Variants in RBFOX1 observed in about 807,000 individuals in gnomAD.
The protein encoded by RBFOX1 is RNA binding protein fox-1 homolog 1.
RBFOX1 carries 8 observed loss-of-function variants against 57.7 expected under a neutral mutation model. The ratio of observed to expected loss-of-function variants is 0.14; its 90% CI spans 0.08 to 0.25. The LOEUF is 0.25. Ranked by LOEUF, RBFOX1 falls within the 10% of genes least tolerant of loss-of-function variation. The probability of loss-of-function intolerance (pLI) is 1.00; values close to 1 mark genes in which losing one functional copy is unlikely to be tolerated. For synonymous variants in RBFOX1, 326 were observed against 222.4 expected (o/e 1.47, Z -4.15); for missense variants, 611 against 548.5 (o/e 1.11, Z -1.14).
At chr16:5,545,444 A>G (rs896687332) in intron 2 of RBFOX1, among the ~76,000 whole-genome samples, 1 of 152,226 alleles carries the variant, frequency 6.6e-6, no homozygotes, top group African/African-American at 2.4e-5. Context: ...TATCATGAAT[A>G]TAGATGCAAA....
intron 3 of RBFOX1, among the ~76,000 whole-genome samples, chr16:6,924,450 G>A (rs1012739326): frequency 3.3e-5 from 5 of 151,854 alleles, no homozygotes; most frequent in African/African-American, 4.8e-5. Flanking sequence ...ATCACTAAGG[G>A]GATGGCAGGC....
intron 4 of RBFOX1, among the ~76,000 whole-genome samples, chr16:7,149,678 C>G (rs974356296): frequency 2.0e-5 from 3 of 151,886 alleles, no homozygotes; most frequent in African/African-American, 7.2e-5. Context: ...TCCCAAAGTG[C>G]TAGGATTACA....
chr16:6,521,562 C>G (rs1259060554), intron 2 of RBFOX1, among the ~76,000 whole-genome samples: 1 of 147,658 alleles, frequency 6.8e-6, no homozygotes, highest in African/African-American at 2.6e-5. Flanking sequence ...CCCTCGCTCT[C>G]TTTGTCTTTC....
At chr16:5,501,051 C>T (rs993107534) in intron 2 of RBFOX1, among the ~76,000 whole-genome samples, 3 of 152,120 alleles carry the variant, frequency 2.0e-5, no homozygotes, top group East Asian at 3.9e-4. Flanking sequence ...CGCGGTGTTT[C>T]ACCCCTGTAA....
At chr16:5,928,136 C>G (rs62013902) in intron 4 of RBFOX1, among the ~76,000 whole-genome samples, 24,517 of 151,984 alleles carry the variant, frequency 0.16, 2,590 homozygotes, top group Non-Finnish European at 0.23. Flanking sequence ...CTCTGTCACC[C>G]AGGCTGGAGA....
chr16:7,424,253 A>AAT lies in RBFOX1; in HGVS notation c.28-93882_28-93881dup, dbSNP rs372662445. Among the ~76,000 whole-genome samples, 36 of 149,920 alleles carry AAT rather than the reference A, an allele frequency of 2.4e-4. 1 individual carries two copies. Among genetic ancestry groups the AAT allele is most frequent in the African/African-American group, 3.9e-4 (16 of 41,158 alleles). On this transcript the variant is annotated intron_variant, in intron 4 of 15. Transcript: ENST00000550418. ...TTTGTGTAATTTACACTTGAATATG[A>AAT]ATATATATATATACATATATATGGG...
chr16:7,606,970 A>G (rs1395577), intron 9 of RBFOX1, among the ~76,000 whole-genome samples: 141,995 of 152,248 alleles, frequency 0.93, 66,892 homozygotes, highest in Non-Finnish European at 0.96. Flanking sequence ...AGAAAAAATT[A>G]AAATTATTAT....
chr16:5,671,292 A>G (rs1402593099), intron 3 of RBFOX1, among the ~76,000 whole-genome samples: 1 of 152,238 alleles, frequency 6.6e-6, no homozygotes, highest in Non-Finnish European at 1.5e-5. Flanking sequence ...TCTAAGAGCA[A>G]GGAGGCAGGG....
intron 3 of RBFOX1, among the ~76,000 whole-genome samples, chr16:6,792,405 C>T (rs958062856): frequency 1.3e-5 from 2 of 152,118 alleles, no homozygotes; most frequent in African/African-American, 4.8e-5. Flanking sequence ...TTTGATTTAG[C>T]AAATAGGTAG....
At chr16:5,764,633 C>T (rs2053712970) in intron 3 of RBFOX1, among the ~76,000 whole-genome samples, 1 of 152,042 alleles carries the variant, frequency 6.6e-6, no homozygotes, top group African/African-American at 2.4e-5. Context: ...GTAAGGAACC[C>T]CGAGGGAAGA....
At chr16:6,356,396 C>T (rs904342748) in intron 2 of RBFOX1, among the ~76,000 whole-genome samples, 13 of 152,310 alleles carry the variant, frequency 8.5e-5, no homozygotes, top group African/African-American at 2.9e-4. Context: ...TATGATTGTA[C>T]CACAGCCCTC....
intron 2 of RBFOX1, among the ~76,000 whole-genome samples, chr16:6,528,988 C>A (rs1419712370): frequency 1.3e-5 from 2 of 152,146 alleles, no homozygotes; most frequent in Non-Finnish European, 2.9e-5. Flanking sequence ...ACATGAAGAA[C>A]AATTAATCCT....
At chr16:6,880,181 TGTGTACTCC>T (rs1294330540) in intron 3 of RBFOX1, among the ~76,000 whole-genome samples, 1 of 151,508 alleles carries the variant, frequency 6.6e-6, no homozygotes. Flanking sequence ...CACCTCAATC[TGTGTACTCC>T]TTTAAGGTAT....
At chr16:7,265,439 A>G (rs1299070729) in intron 4 of RBFOX1, among the ~76,000 whole-genome samples, 10 of 150,966 alleles carry the variant, frequency 6.6e-5, no homozygotes, top group African/African-American at 1.9e-4. Flanking sequence ...TTATTCATTT[A>G]TTTATTTGTT....
intron 4 of RBFOX1, among the ~76,000 whole-genome samples, chr16:7,456,022 G>T (rs545692127): frequency 6.6e-6 from 1 of 152,134 alleles, no homozygotes; most frequent in South Asian, 2.1e-4. Context: ...TCCCTGCATG[G>T]TCATGCAGGG....
chr16:7,233,261 T>A (rs1319764838), intron 4 of RBFOX1, among the ~76,000 whole-genome samples: 2 of 152,010 alleles, frequency 1.3e-5, no homozygotes, highest in Non-Finnish European at 2.9e-5. Flanking sequence ...TTTGACTGTT[T>A]CTAAGCTGGC....
At chr16:6,837,042 C>T (rs988308206) in intron 3 of RBFOX1, among the ~76,000 whole-genome samples, 12 of 152,094 alleles carry the variant, frequency 7.9e-5, no homozygotes, top group African/African-American at 4.8e-5. Flanking sequence ...TTACAGTAAG[C>T]CCAGGACAGG....
intron 1 of RBFOX1, among the ~76,000 whole-genome samples, chr16:6,031,108 G>A (rs1195434717): frequency 6.6e-6 from 1 of 152,178 alleles, no homozygotes; most frequent in South Asian, 2.1e-4. Flanking sequence ...ACCCTGTTCG[G>A]TAGGAACATC....
chr16:7,618,519 C>T (rs895381309), intron 10 of RBFOX1, among the ~76,000 whole-genome samples: 5 of 151,852 alleles, frequency 3.3e-5, no homozygotes, highest in African/African-American at 7.3e-5. Context: ...CGATTTCAAA[C>T]GCAAGGTGAC....
Sources: allele counts gnomAD v4.1 joint callset (sites outside exome capture counted in the v4.1 genomes callset), GRCh38; gene constraint gnomAD v4.1.1; transcripts MANE v1.5; gene names NCBI Gene and HGNC (gene_info 2026-07-23, HGNC 2026-07-21).